MAN2A1: variants seen among roughly 807,000 people sequenced by gnomAD.
MAN2A1 encodes the protein alpha-mannosidase 2.
MAN2A1 carries 76 observed loss-of-function variants against 142.6 expected under a neutral mutation model. The observed-to-expected ratio is 0.53, with a 90% CI of 0.44 to 0.65. The LOEUF is 0.65. Among genes scored for constraint, MAN2A1 ranks in the 30% least tolerant of loss-of-function variants. MAN2A1 has a pLI of 0.00. For synonymous variants in MAN2A1, 559 were observed against 473.2 expected, an observed-to-expected ratio of 1.18 and a Z score of -2.35; for missense variants, 1,311 against 1,365.1, an observed-to-expected ratio of 0.96 and a Z score of 0.62.
At chr5:109,731,996 C>T (rs987554101) in intron 4 of MAN2A1, among the ~76,000 whole-genome samples, 4 of 151,956 alleles carry the variant, frequency 2.6e-5, no homozygotes, top group East Asian at 1.9e-4. Flanking sequence ...AAAGTGTTCC[C>T]ATTTCTCCAC....
intron 16 of MAN2A1, chr5:109,840,761 T>G (rs1755182506): frequency 6.2e-6 from 2 of 320,516 alleles, no homozygotes; most frequent in Admixed American, 8.0e-5. Context: ...TGGCGTGCCC[T>G]GCCCCAGCCA....
intron 3 of MAN2A1, among the ~76,000 whole-genome samples, chr5:109,716,782 C>T (rs1156994251): frequency 3.3e-5 from 5 of 152,168 alleles, no homozygotes; most frequent in Non-Finnish European, 7.4e-5. Flanking sequence ...TACTTAATCC[C>T]TCTGAGACCA....
At chr5:109,707,340 A>G (rs767100787) in intron 1 of MAN2A1, among the ~76,000 whole-genome samples, 1 of 152,124 alleles carries the variant, frequency 6.6e-6, no homozygotes, top group African/African-American at 2.4e-5. Context: ...GTATGCCAAA[A>G]CATTGAATAC....
At chr5:109,696,125 G>A (rs944051113) in intron 1 of MAN2A1, among the ~76,000 whole-genome samples, 3 of 150,526 alleles carry the variant, frequency 2.0e-5, no homozygotes, top group Non-Finnish European at 3.0e-5. Context: ...TTTTTGAGAC[G>A]GAGTCTCACT....
chr5:109,821,922 A>G (rs1754633111), intron 15 of MAN2A1, among the ~76,000 whole-genome samples: 1 of 151,550 alleles, frequency 6.6e-6, no homozygotes, highest in Non-Finnish European at 1.5e-5. Context: ...TTTTCTGTAG[A>G]GTTTCTTCCT....
intron 4 of MAN2A1, among the ~76,000 whole-genome samples, chr5:109,739,336 C>T (rs1252450556): frequency 4.6e-5 from 7 of 152,074 alleles, no homozygotes. Flanking sequence ...TCAAATGTTT[C>T]TTTAGCTTAT....
At chr5:109,833,809 T>A (rs1052496080) in intron 16 of MAN2A1, among the ~76,000 whole-genome samples, 2 of 152,210 alleles carry the variant, frequency 1.3e-5, no homozygotes, top group Non-Finnish European at 1.5e-5. Flanking sequence ...CGTCAAACAT[T>A]AATTTTAATC....
At chr5:109,787,590 CATCTT>C (rs1455024133) in intron 10 of MAN2A1, among the ~76,000 whole-genome samples, 1 of 151,974 alleles carries the variant, frequency 6.6e-6, no homozygotes, top group Non-Finnish European at 1.5e-5. Context: ...CTTTAGTACT[CATCTT>C]ATGAGAAGGC....
At chr5:109,744,718 A>C (rs927891783) in intron 4 of MAN2A1, among the ~76,000 whole-genome samples, 1 of 152,180 alleles carries the variant, frequency 6.6e-6, no homozygotes, top group Admixed American at 6.6e-5. Flanking sequence ...AGTTTTCCAA[A>C]CTTAAAATAT....
chr5:109,838,593 G>T (rs939417637), intron 16 of MAN2A1, among the ~76,000 whole-genome samples: 1 of 152,068 alleles, frequency 6.6e-6, no homozygotes, highest in East Asian at 1.9e-4. Flanking sequence ...GGAACAATTG[G>T]CAATCCTTTC....
chr5:109,820,888 A>C (rs1754604754), intron 15 of MAN2A1, among the ~76,000 whole-genome samples: 1 of 152,216 alleles, frequency 6.6e-6, no homozygotes, highest in Admixed American at 6.5e-5. Context: ...ATGGGAAGAA[A>C]CTAGATTTTA....
chr5:109,728,644 A>C (rs926490819), intron 3 of MAN2A1, among the ~76,000 whole-genome samples: 5 of 152,214 alleles, frequency 3.3e-5, no homozygotes, highest in Non-Finnish European at 7.3e-5. Context: ...AAAAAACAGG[A>C]GAAGCAAACT....
At chr5:109,818,415 G>A (rs991904635) in intron 13 of MAN2A1, among the ~76,000 whole-genome samples, 2 of 152,002 alleles carry the variant, frequency 1.3e-5, no homozygotes, top group Non-Finnish European at 2.9e-5. Flanking sequence ...TCATCTTTTA[G>A]ATAGAAAGGT....
Position 109,788,959 on chromosome 5 carries a change from G to A in MAN2A1, c.1786G>A (p.Glu596Lys). The A allele has an allele frequency of 6.3e-7, 1 of 1,591,484 alleles. No individual in the cohort carries two copies. Among genetic ancestry groups the A allele is most frequent in the Non-Finnish European group, 8.6e-7 (1 of 1,161,508 alleles). Residue 596 changes from glutamate (E) to lysine (K), a missense_variant, in exon 11 of 22, where the codon GAG (glutamate) becomes AAG (lysine). Transcript: ENST00000261483. ...ACTTTTTCATTCGTTAATGGTTTTG[G>A]AGAAGATAATTGGAAATTCTGCATT... ...TRLFHSLMVLEKIIGNSAFLL... is the reference protein window; with the variant it reads ...TRLFHSLMVLKKIIGNSAFLL...
chr5:109,841,978 G>A (rs938562948), intron 16 of MAN2A1, among the ~76,000 whole-genome samples: 1 of 152,164 alleles, frequency 6.6e-6, no homozygotes, highest in Non-Finnish European at 1.5e-5. Context: ...TGGTGCAGAT[G>A]AGAAGTGGAC....
At chr5:109,830,272 A>G (rs1033738831) in intron 16 of MAN2A1, among the ~76,000 whole-genome samples, 1 of 152,232 alleles carries the variant, frequency 6.6e-6, no homozygotes, top group Non-Finnish European at 1.5e-5. Context: ...TTTTGCCTCT[A>G]AGCAAACTAG....
At chr5:109,711,224 A>G (rs989555014) in intron 1 of MAN2A1, among the ~76,000 whole-genome samples, 7 of 152,212 alleles carry the variant, frequency 4.6e-5, no homozygotes, top group Non-Finnish European at 1.0e-4. Flanking sequence ...GGCGAGATGA[A>G]TCAACATGTT....
At chr5:109,838,303 T>G (rs1561537535) in intron 16 of MAN2A1, among the ~76,000 whole-genome samples, 1 of 152,186 alleles carries the variant, frequency 6.6e-6, no homozygotes, top group African/African-American at 2.4e-5. Context: ...TGTTAAAACC[T>G]GGGAATGGCA....
chr5:109,772,902 A>G (rs991867261), intron 7 of MAN2A1, among the ~76,000 whole-genome samples: 4 of 152,184 alleles, frequency 2.6e-5, no homozygotes, highest in Admixed American at 1.3e-4. Flanking sequence ...AGGTTCTTCT[A>G]CTTTGCAAGT....
Sources: gnomAD v4.1 joint callset for allele counts (sites outside exome capture counted in the v4.1 genomes callset) on GRCh38, gnomAD v4.1.1 for gene constraint, MANE v1.5 for transcripts, NCBI Gene and HGNC (gene_info 2026-07-23, HGNC 2026-07-21) for gene names.